Variants in JADE2 observed in about 807,000 individuals in gnomAD.
JADE2 encodes the protein jade family PHD finger 2, also known as E3 ubiquitin-protein ligase Jade-2.
A neutral mutation model predicts 85.7 loss-of-function variants in JADE2; 13 were observed. The observed-to-expected ratio is 0.15, with a 90% CI of 0.10 to 0.24. The LOEUF (loss-of-function observed/expected upper bound fraction) is 0.24, where lower values mean the gene tolerates loss of function less well. Ranked by LOEUF, JADE2 falls within the 10% of genes least tolerant of loss-of-function variation. The probability of loss-of-function intolerance (pLI) is 1.00; values close to 1 mark genes in which losing one functional copy is unlikely to be tolerated. For missense variants in JADE2, 846 were observed against 1,115.9 expected (o/e 0.76, Z 3.45); for synonymous variants, 440 against 456.1 (o/e 0.96, Z 0.45).
chr5:134,560,226 A>G (rs937023107), intron 5 of JADE2, among the ~76,000 whole-genome samples: 3 of 152,204 alleles, frequency 2.0e-5, no homozygotes, highest in East Asian at 1.9e-4. Context: ...TCTTGGGACT[A>G]TAGTGGTAAG....
chr5:134,578,515 C>A lies in JADE2; in HGVS notation c.1703C>A (p.Pro568His). 6.3e-7 allele frequency: 1 copy of A among 1,591,784 alleles called. No individual in the cohort carries two copies. Among genetic ancestry groups the A allele is most frequent in the Non-Finnish European group, 8.6e-7 (1 of 1,164,950 alleles). Residue 568 changes from proline to histidine, a missense_variant, in exon 12 of 12, where the codon CCC (proline) becomes CAC (histidine). This residue lies in a region of JADE2 where 119 missense variants were observed against 163.9 expected (regional missense o/e 0.73). Coordinates refer to ENST00000681547, the MANE Select transcript of JADE2 (RefSeq NM_001388185.1). The surrounding 1 kb of genome is among the most constrained non-coding windows in gnomAD (Gnocchi z 4.4). Reference sequence around the variant, plus strand: ...TCAGCAGGCCTGTCCACCTCATTCCCCATCGATGGCACCTTCTTCAACAGC... The same window carrying A: ...TCAGCAGGCCTGTCCACCTCATTCCACATCGATGGCACCTTCTTCAACAGC... ...GQLAGLSTSF[P>H]IDGTFFNSWL... is the part of the protein sequence containing the mutation.
chr5:134,552,942 A>G (rs533713579), intron 4 of JADE2, among the ~76,000 whole-genome samples: 8 of 146,036 alleles, frequency 5.5e-5, no homozygotes, highest in Non-Finnish European at 1.0e-4. Flanking sequence ...GGCCTCCGAA[A>G]GTGCTGGGAT....
chr5:134,554,176 A>G (rs1397285018), intron 4 of JADE2, among the ~76,000 whole-genome samples: 7 of 152,050 alleles, frequency 4.6e-5, no homozygotes, highest in African/African-American at 1.7e-4. Context: ...GGCACAGCAG[A>G]CTCGAAGCCC....
intron 4 of JADE2, among the ~76,000 whole-genome samples, chr5:134,557,524 TC>T (rs1023038765): frequency 4.3e-5 from 4 of 92,540 alleles, no homozygotes; most frequent in Admixed American, 2.5e-4. Flanking sequence ...ATGCTATCCC[TC>T]CCCCCTCCCC....
intron 3 of JADE2, chr5:134,544,498 C>T (rs1309124362): frequency 6.0e-6 from 1 of 166,928 alleles, no homozygotes; most frequent in Non-Finnish European, 1.5e-5. Context: ...GACTCCTTCC[C>T]GAGACTCATG....
chr5:134,525,851 C>A lies in JADE2; in HGVS notation c.-161C>A. 1.0e-6 allele frequency: 1 copy of A among 990,860 alleles called. No individual in the cohort carries two copies. The highest frequency in any genetic ancestry group is 1.2e-6 in the Non-Finnish European group (1 of 832,738). The allele number at this position is 990,860 out of a possible 1,614,324, so 61.4% of individuals were successfully genotyped here. On this transcript the variant is annotated 5_prime_UTR_variant, in exon 1 of 12. Coordinates refer to ENST00000681547, the MANE Select transcript of JADE2 (RefSeq NM_001388185.1). Reference sequence around the variant, plus strand: ...GGCGTGGGGCCTGGGACGCCGCGGGCCCGGCCGCCTCCCTCGCCGCGACCC... The same window carrying A: ...GGCGTGGGGCCTGGGACGCCGCGGGACCGGCCGCCTCCCTCGCCGCGACCC...
At position 134,578,537 on chromosome 5, in the gene JADE2, C is replaced by T; in HGVS notation, c.1725C>T (p.Asn575=). 1 of 1,602,632 alleles carries T rather than the reference C, an allele frequency of 6.2e-7. No individual in the cohort carries two copies. The highest frequency in any genetic ancestry group is 1.7e-5 in the Admixed American group (1 of 59,656). ...TSFPIDGTFF[N]SWLAQSVQIT... ...TCCCCATCGATGGCACCTTCTTCAA[C>T]AGCTGGCTGGCACAGTCGGTGCAGA... Residue 575 remains asparagine, a synonymous_variant, in exon 12 of 12, where the codon AAC becomes AAT. Coordinates refer to ENST00000681547, the MANE Select transcript of JADE2 (RefSeq NM_001388185.1). This position sits in a 1 kb window ranked among gnomAD's most constrained non-coding sequence, Gnocchi z 4.4.
chr5:134,539,650 G>T (rs187767298), intron 3 of JADE2, among the ~76,000 whole-genome samples: 6 of 152,366 alleles, frequency 3.9e-5, no homozygotes, highest in African/African-American at 1.4e-4. Flanking sequence ...ATTTAGCCAA[G>T]ACCTTAAATC....
chr5:134,537,581 T>G (rs1477114340), intron 2 of JADE2, among the ~76,000 whole-genome samples: 4 of 152,172 alleles, frequency 2.6e-5, no homozygotes. Flanking sequence ...CTCTTCCCAT[T>G]GCCCTGCTCT....
intron 3 of JADE2, among the ~76,000 whole-genome samples, chr5:134,539,910 G>T (rs1009087767): frequency 4.6e-5 from 7 of 152,216 alleles, no homozygotes; most frequent in Non-Finnish European, 7.3e-5. Flanking sequence ...CCCTGGGGAG[G>T]TGGGGCTGGG....
chr5:134,579,749 G>T lies in JADE2; in HGVS notation c.*432G>T, dbSNP rs748146174. The stretch of plus-strand genomic sequence containing the variant: ...CCCCAGATCCCACTGGGGTCCATTT[G>T]GGGGGTCCTGCTACACTCCACCGAT... On this transcript the variant is annotated 3_prime_UTR_variant, in exon 12 of 12. Coordinates refer to ENST00000681547, the MANE Select transcript of JADE2 (RefSeq NM_001388185.1). This position sits in a 1 kb window ranked among gnomAD's most constrained non-coding sequence, Gnocchi z 4.6. The T allele has an allele frequency of 1.4e-4, 25 of 173,174 alleles. No homozygotes were observed. The highest frequency in any genetic ancestry group is 5.7e-3 in the Middle Eastern group (2 of 350). 10.7% of individuals were successfully genotyped at this position (173,174 alleles called of 1,614,324 possible).
At chr5:134,572,336 C>T (rs1207600478) in intron 9 of JADE2, among the ~76,000 whole-genome samples, 1 of 152,216 alleles carries the variant, frequency 6.6e-6, no homozygotes, top group Non-Finnish European at 1.5e-5. Context: ...CAGAGCACAT[C>T]GTGTGGAGGC....
intron 4 of JADE2, among the ~76,000 whole-genome samples, chr5:134,556,416 A>C (rs1221333780): frequency 1.3e-5 from 2 of 152,086 alleles, no homozygotes; most frequent in Non-Finnish European, 2.9e-5. Flanking sequence ...GTCTCAACAC[A>C]CACACACACA....
chr5:134,564,447 C>T (rs1321597158), intron 7 of JADE2, 47 bp from the exon 8 acceptor site: 43 of 1,315,252 alleles, frequency 3.3e-5, no homozygotes, highest in Non-Finnish European at 4.3e-5. Flanking sequence ...TCCCTGGAGG[C>T]AGGCTGGGGA....
intron 5 of JADE2, among the ~76,000 whole-genome samples, chr5:134,560,322 G>A (rs1763247300): frequency 6.6e-6 from 1 of 152,022 alleles, no homozygotes; most frequent in African/African-American, 2.4e-5. Context: ...AAATGGGGCT[G>A]GGGTCAGGAG....
intron 1 of JADE2, 165 bp downstream of exon 1, chr5:134,526,176 G>C (rs1270636345): frequency 9.1e-6 from 9 of 985,460 alleles, no homozygotes; most frequent in Non-Finnish European, 1.1e-5. Context: ...GCGGAGAGGG[G>C]GGGGATGCAC....
chr5:134,528,364 C>A (rs994724704), intron 1 of JADE2, among the ~76,000 whole-genome samples: 3 of 152,130 alleles, frequency 2.0e-5, no homozygotes, highest in Non-Finnish European at 4.4e-5. Context: ...CCCAGATGAA[C>A]GCACCGTCCG....
At chr5:134,526,690 G>A in intron 1 of JADE2, 1 of 985,478 alleles carries the variant, frequency 1.0e-6, no homozygotes, top group African/African-American at 1.7e-5. Flanking sequence ...AGCATGCTCG[G>A]CTCCTGGGGT....
In JADE2 at chr5:134,578,366, A is replaced by G. The variant is rs1273428780; in HGVS notation, c.1682-128A>G. ...AGGGATGGACAAAACAAGATAGCTC[A>G]CCTGGGTCTGGCACAGGGGGACAGA... is the stretch of plus-strand genomic sequence containing the variant. On this transcript the variant is annotated intron_variant, in intron 11 of 11. Coordinates refer to ENST00000681547, the MANE Select transcript of JADE2 (RefSeq NM_001388185.1). This position sits in a 1 kb window ranked among gnomAD's most constrained non-coding sequence, Gnocchi z 4.4. The G allele has an allele frequency of 1.4e-6, 1 of 716,874 alleles. No individual in the cohort carries two copies. Among genetic ancestry groups the G allele is most frequent in the African/African-American group, 1.8e-5 (1 of 56,744 alleles). The allele number at this position is 716,874 out of a possible 1,614,324, so 44.4% of individuals were successfully genotyped here. A position where few individuals can be genotyped will look rare whatever the true frequency, so the allele number is the denominator to read the frequency against.
Sources: allele counts gnomAD v4.1 joint callset (sites outside exome capture counted in the v4.1 genomes callset), GRCh38; gene constraint gnomAD v4.1.1; regional missense constraint gnomAD v4.1.1; non-coding constraint Gnocchi (gnomAD v3.1); transcripts MANE v1.5; gene names NCBI Gene and HGNC (gene_info 2026-07-23, HGNC 2026-07-21).